CENPP: variants seen among roughly 807,000 people sequenced by gnomAD.
CENPP encodes the protein centromere protein P.
CENPP carries 24 observed loss-of-function variants against 35.6 expected under a neutral mutation model. The ratio of observed to expected loss-of-function variants is 0.67; its 90% CI spans 0.49 to 0.95. The LOEUF (loss-of-function observed/expected upper bound fraction) is 0.95, where lower values mean the gene tolerates loss of function less well. CENPP is among the 40% of genes least tolerant of loss of function. The pLI, the probability that CENPP is intolerant of heterozygous loss-of-function variation, is 0.00. For missense variants in CENPP, 332 were observed against 345.3 expected (o/e 0.96, Z 0.31); for synonymous variants, 120 against 125.5 (o/e 0.96, Z 0.29).
rs1851512881 is a variant in CENPP, at chr9:92,618,372, G to C, written c.*5223G>C. 2 of 456,588 alleles carry C rather than the reference G, an allele frequency of 4.4e-6. No homozygotes were observed. Among genetic ancestry groups the C allele is most frequent in the Admixed American group, 4.7e-5 (2 of 42,562 alleles). The allele number at this position is 456,588 out of a possible 1,614,324, so 28.3% of individuals were successfully genotyped here. A position where few individuals can be genotyped will look rare whatever the true frequency, so the allele number is the denominator to read the frequency against. On this transcript the variant is annotated 3_prime_UTR_variant, in exon 8 of 8. Transcript: ENST00000375587. Reference sequence around the variant, plus strand: ...CCCGGGCCTTCAGCTTTCCCCGCATGCTGGCTTTCCAATTTGACATCACTG... The same window carrying C: ...CCCGGGCCTTCAGCTTTCCCCGCATCCTGGCTTTCCAATTTGACATCACTG...
chr9:92,525,153 A>G (rs1848312764), intron 5 of CENPP, among the ~76,000 whole-genome samples: 1 of 152,106 alleles, frequency 6.6e-6, no homozygotes, highest in Non-Finnish European at 1.5e-5. Context: ...CCTTGTCTCA[A>G]CTAAAACATA....
intron 4 of CENPP, among the ~76,000 whole-genome samples, chr9:92,374,119 CAA>C (rs35803886): frequency 4.2e-3 from 413 of 97,866 alleles, no homozygotes; most frequent in African/African-American, 0.018. Context: ...CAGCAGTGAC[CAA>C]AAAAAAAAAA....
At chr9:92,543,441 CAGCCTGGGTG>C (rs1267701132) in intron 5 of CENPP, among the ~76,000 whole-genome samples, 1 of 135,424 alleles carries the variant, frequency 7.4e-6, no homozygotes, top group Non-Finnish European at 1.5e-5. Flanking sequence ...CACTGCTCTC[CAGCCTGGGTG>C]ACAGAGTGAA....
At chr9:92,331,560 C>A (rs1405198043) in intron 1 of CENPP, among the ~76,000 whole-genome samples, 1 of 152,202 alleles carries the variant, frequency 6.6e-6, no homozygotes, top group African/African-American at 2.4e-5. Flanking sequence ...TGGGTCAGAA[C>A]ACACATTGTA....
At chr9:92,579,028 G>GT (rs1415474789) in intron 5 of CENPP, among the ~76,000 whole-genome samples, 1 of 151,318 alleles carries the variant, frequency 6.6e-6, no homozygotes, top group Non-Finnish European at 1.5e-5. Context: ...CGGCTAGCCA[G>GT]TTTTCCCAGC....
In CENPP at chr9:92,389,804, CTATCA is replaced by C. The variant is rs1161943145; in HGVS notation, c.564+9952_564+9956del. ...TTCTAGACCAAAGTTTCTCTTTTATCTATCATATCATCACTCATACTATGCTTAGT... is the reference window on the plus strand; with the variant it reads ...TTCTAGACCAAAGTTTCTCTTTTATCTATCATCACTCATACTATGCTTAGT... On this transcript the variant is annotated intron_variant, in intron 5 of 7. Coordinates refer to ENST00000375587, the MANE Select transcript of CENPP (RefSeq NM_001012267.3). 8 of 1,222,584 alleles carry C rather than the reference CTATCA, an allele frequency of 6.5e-6. No homozygotes were observed. In the Admixed American group the frequency reaches 1.8e-4, roughly 27 times the overall value. 75.7% of individuals were successfully genotyped at this position (1,222,584 alleles called of 1,614,324 possible). A position where few individuals can be genotyped will look rare whatever the true frequency, so the allele number is the denominator to read the frequency against.
intron 5 of CENPP, among the ~76,000 whole-genome samples, chr9:92,532,041 T>TTTTTTTTTTTTTTA: frequency 7.0e-6 from 1 of 143,486 alleles, no homozygotes; most frequent in African/African-American, 2.7e-5. Context: ...TTTATTTTTT[T>TTTTTTTTTTTTTTA]TTTGAGATGA....
chr9:92,425,221 C>A (rs188684292), intron 5 of CENPP, among the ~76,000 whole-genome samples: 12 of 152,212 alleles, frequency 7.9e-5, no homozygotes, highest in Admixed American at 1.3e-4. Context: ...GGCAGATGTA[C>A]CCACTAGAAT....
At chr9:92,426,476 GTC>G (rs751621516) in intron 5 of CENPP, among the ~76,000 whole-genome samples, 6 of 152,158 alleles carry the variant, frequency 3.9e-5, no homozygotes, top group Non-Finnish European at 5.9e-5. Context: ...AGCAGTGAAA[GTC>G]TCTGTTATAG....
At chr9:92,453,799 G>A (rs956080013) in intron 5 of CENPP, among the ~76,000 whole-genome samples, 2 of 152,050 alleles carry the variant, frequency 1.3e-5, no homozygotes, top group African/African-American at 4.8e-5. Flanking sequence ...TAGCTTAAGG[G>A]AAACGAAAAT....
intron 4 of CENPP, among the ~76,000 whole-genome samples, chr9:92,353,269 T>C (rs1841509871): frequency 6.6e-6 from 1 of 152,202 alleles, no homozygotes; most frequent in Admixed American, 6.5e-5. Context: ...GGTCATGTGG[T>C]CATAGCTGGT....
intron 5 of CENPP, among the ~76,000 whole-genome samples, chr9:92,562,524 A>G (rs1454515195): frequency 6.6e-6 from 1 of 151,908 alleles, no homozygotes; most frequent in African/African-American, 2.4e-5. Flanking sequence ...CTTATCTTCA[A>G]AGTGAGACCA....
chr9:92,414,405 G>T (rs1368236641), intron 5 of CENPP: 1 of 204,428 alleles, frequency 4.9e-6, no homozygotes, highest in African/African-American at 2.3e-5. Context: ...CAATAACATT[G>T]TTTAGGATAG....
At chr9:92,425,937 A>G (rs1843954903) in intron 5 of CENPP, among the ~76,000 whole-genome samples, 1 of 152,252 alleles carries the variant, frequency 6.6e-6, no homozygotes, top group African/African-American at 2.4e-5. Context: ...TTAACTGAAA[A>G]TCAACAGCCT....
At chr9:92,491,731 G>C (rs1318273544) in intron 5 of CENPP, among the ~76,000 whole-genome samples, 1 of 152,150 alleles carries the variant, frequency 6.6e-6, no homozygotes, top group East Asian at 1.9e-4. Flanking sequence ...ACTATTCACT[G>C]AATTCCTTTT....
intron 5 of CENPP, among the ~76,000 whole-genome samples, chr9:92,531,503 T>C (rs1005467679): frequency 6.6e-6 from 1 of 152,200 alleles, no homozygotes; most frequent in African/African-American, 2.4e-5. Flanking sequence ...AGATTTTTCA[T>C]CCTCATCACT....
At chr9:92,600,217 C>G (rs1850876015) in intron 5 of CENPP, 1 of 1,232,490 alleles carries the variant, frequency 8.1e-7, no homozygotes, top group East Asian at 2.8e-5. Flanking sequence ...AGGTTCCATA[C>G]AAGAACAGAA....
chr9:92,511,055 T>A (rs1847304096), intron 5 of CENPP, among the ~76,000 whole-genome samples: 1 of 152,212 alleles, frequency 6.6e-6, no homozygotes, highest in Admixed American at 6.5e-5. Context: ...ACATACACAT[T>A]TATGAGTTTT....
At chr9:92,407,155 G>A (rs1487009581) in intron 5 of CENPP, among the ~76,000 whole-genome samples, 2 of 152,118 alleles carry the variant, frequency 1.3e-5, no homozygotes, top group African/African-American at 4.8e-5. Context: ...TGCCAACCAG[G>A]CAAGCTTATT....
Sources: allele counts gnomAD v4.1 joint callset (sites outside exome capture counted in the v4.1 genomes callset), GRCh38; gene constraint gnomAD v4.1.1; transcripts MANE v1.5; gene names NCBI Gene and HGNC (gene_info 2026-07-23, HGNC 2026-07-21).